CCDC141: variants seen among roughly 807,000 people sequenced by gnomAD.
The protein encoded by CCDC141 is coiled-coil domain containing 141.
In CCDC141, 168 loss-of-function variants were observed where a neutral mutation model predicts 181.0. The observed-to-expected ratio is 0.93, with a 90% CI of 0.82 to 1.05. The LOEUF is 1.05. Among genes scored for constraint, CCDC141 ranks in the 50% least tolerant of loss-of-function variants. CCDC141 has a pLI of 0.00. For synonymous variants in CCDC141, 666 were observed against 642.3 expected (o/e 1.04, Z -0.56); for missense variants, 1,902 against 1,788.5 (o/e 1.06, Z -1.14).
chr2:178,960,390 C>G (rs573831193), intron 5 of CCDC141, among the ~76,000 whole-genome samples: 10 of 152,194 alleles, frequency 6.6e-5, no homozygotes, highest in African/African-American at 2.4e-4. Flanking sequence ...ATATGAATGT[C>G]TCTTCAATTT....
chr2:178,945,853 G>GCACACACACACACACACA (rs10649193), intron 5 of CCDC141, among the ~76,000 whole-genome samples: 25 of 149,566 alleles, frequency 1.7e-4, no homozygotes, highest in East Asian at 1.4e-3. Context: ...ACACATGCGT[G>GCACACACACACACACACA]CACACACACA....
chr2:178,881,890 GTCTC>G lies in CCDC141; in HGVS notation c.1719+3007_1719+3010del, dbSNP rs575583072. Among the ~76,000 whole-genome samples the G allele has an allele frequency of 9.8e-3, 927 of 94,566 alleles. 10 individuals carry two copies. The highest frequency in any genetic ancestry group is 0.017 in the Admixed American group (161 of 9,550). 62.0% of individuals were successfully genotyped at this position (94,566 alleles called of 152,430 possible). ...AGCCTGGGTGACAGAGTGAGACCCT[GTCTC>G]TCTCTCTCTCTCTCTCTCTCTCACA... is the stretch of plus-strand genomic sequence containing the variant. On this transcript the variant is annotated intron_variant, in intron 11 of 23. Transcript: ENST00000443758.
At chr2:179,018,109 T>G (rs1356152713) in intron 2 of CCDC141, among the ~76,000 whole-genome samples, 2 of 152,162 alleles carry the variant, frequency 1.3e-5, no homozygotes, top group African/African-American at 2.4e-5. Context: ...GCACTCTGTC[T>G]TTTTAAGTGT....
chr2:178,916,068 T>C (rs1027449268), intron 7 of CCDC141, among the ~76,000 whole-genome samples: 1 of 152,076 alleles, frequency 6.6e-6, no homozygotes, highest in African/African-American at 2.4e-5. Flanking sequence ...TAAGTTAACA[T>C]GTTAGCTTGA....
chr2:178,991,552 G>A (rs1249425078), intron 2 of CCDC141, among the ~76,000 whole-genome samples: 3 of 152,134 alleles, frequency 2.0e-5, no homozygotes, highest in Non-Finnish European at 4.4e-5. Flanking sequence ...GAAGGAAGAA[G>A]GAGGTAAAGA....
At chr2:178,817,976 T>C in the CCDC141 span, among the ~76,000 whole-genome samples, 1 of 152,132 alleles carries the variant, frequency 6.6e-6, no homozygotes, top group African/African-American at 2.4e-5. Context: ...CTAATTTTTG[T>C]ATTTTTAGTA....
At chr2:178,820,314 T>A in the CCDC141 span, among the ~76,000 whole-genome samples, 1 of 152,132 alleles carries the variant, frequency 6.6e-6, no homozygotes, top group African/African-American at 2.4e-5. Flanking sequence ...GGCTGTGGTG[T>A]GTTTTTTTAA....
chr2:178,986,614 C>T (rs1480489927), intron 2 of CCDC141, among the ~76,000 whole-genome samples: 1 of 151,394 alleles, frequency 6.6e-6, no homozygotes, highest in Non-Finnish European at 1.5e-5. Context: ...GCAACTTCAG[C>T]AAAGTCTCAG....
chr2:178,905,640 G>A, intron 7 of CCDC141, 139 bp from the exon 8 acceptor site: 4 of 853,402 alleles, frequency 4.7e-6, no homozygotes, highest in Non-Finnish European at 6.9e-6. Context: ...TCTTAATCTT[G>A]GAAGATTGTT....
intron 2 of CCDC141, among the ~76,000 whole-genome samples, chr2:178,979,746 G>C (rs113496986): frequency 0.015 from 2,318 of 152,196 alleles, 58 homozygotes; most frequent in African/African-American, 0.053. Context: ...GATAAATAGT[G>C]CAATCCACAG....
intron 7 of CCDC141, among the ~76,000 whole-genome samples, chr2:178,909,217 G>C (rs1162335818): frequency 1.3e-5 from 2 of 151,062 alleles, no homozygotes; most frequent in Non-Finnish European, 3.0e-5. Context: ...TTCACTAGAA[G>C]GAGGGAATGA....
At chr2:178,977,785 A>C (rs1451368199) in intron 3 of CCDC141, among the ~76,000 whole-genome samples, 1 of 152,196 alleles carries the variant, frequency 6.6e-6, no homozygotes, top group East Asian at 1.9e-4. Flanking sequence ...CAGAAGTTAA[A>C]AGTGAAATTT....
intron 14 of CCDC141, 25 bp from the exon 15 acceptor site, chr2:178,869,330 A>G: frequency 1.3e-6 from 2 of 1,552,452 alleles, no homozygotes; most frequent in Non-Finnish European, 1.7e-6. Context: ...GCAATAAAAA[A>G]ATCTTGCTAT....
downstream of CCDC141, among the ~76,000 whole-genome samples, chr2:178,827,669 C>T (rs1297749656): frequency 1.3e-5 from 2 of 152,090 alleles, no homozygotes; most frequent in African/African-American, 2.4e-5. Context: ...TATTCTAGCA[C>T]ACCCCAGGAG....
chr2:178,865,754 C>T lies in CCDC141; in HGVS notation c.2724+13G>A. Reference sequence around the variant, plus strand: ...TTTGGCAATGTGCCAGTTCTCACCCCTCCCACACCCACCTCATTTATCTCG... The same window carrying T: ...TTTGGCAATGTGCCAGTTCTCACCCTTCCCACACCCACCTCATTTATCTCG... On this transcript the variant is annotated intron_variant, in intron 17 of 23. Coordinates refer to ENST00000443758, the MANE Select transcript of CCDC141 (RefSeq NM_173648.4). 6.8e-7 allele frequency: 1 copy of T among 1,478,850 alleles called. No individual in the cohort carries two copies. The highest frequency in any genetic ancestry group is 9.0e-7 in the Non-Finnish European group (1 of 1,109,560). The allele number at this position is 1,478,850 out of a possible 1,614,324, so 91.6% of individuals were successfully genotyped here. A position where few individuals can be genotyped will look rare whatever the true frequency, so the allele number is the denominator to read the frequency against.
chr2:178,869,741 T>C (rs1418973764), intron 14 of CCDC141, among the ~76,000 whole-genome samples: 2 of 152,152 alleles, frequency 1.3e-5, no homozygotes, highest in Non-Finnish European at 2.9e-5. Context: ...TAACTTGTGC[T>C]CTGTGATAAA....
rs1249446188 is a variant in CCDC141 at position 178,978,084 on chromosome 2, G to C, written c.417+400C>G. On this transcript the variant is annotated intron_variant, in intron 3 of 23. Transcript: ENST00000443758. ...CCTTTTTAAAACATAGGCAGCAAAA[G>C]GAAATTTTATTCTCCAACTTTTAGC... Among the ~76,000 whole-genome samples, 3 of 152,236 alleles carry C rather than the reference G, an allele frequency of 2.0e-5. No individual in the cohort carries two copies. In the East Asian group the frequency reaches 5.8e-4, roughly 29 times the overall value.
intron 2 of CCDC141, among the ~76,000 whole-genome samples, chr2:179,021,956 C>T (rs1195825100): frequency 1.3e-5 from 2 of 152,098 alleles, no homozygotes; most frequent in African/African-American, 4.8e-5. Flanking sequence ...TATTTTAAAA[C>T]ATTTCAATGC....
In CCDC141 at chr2:179,043,837, A is replaced by G. The variant is rs1415437019; in HGVS notation, c.225+3447T>C. On this transcript the variant is annotated intron_variant, in intron 2 of 23. Transcript: ENST00000443758. The stretch of plus-strand genomic sequence containing the variant: ...GCAATCAGGCAAGAGAAACAAATGA[A>G]TAGGAAGAGAGGAAGTAAAACTATC... Among the ~76,000 whole-genome samples the G allele has an allele frequency of 5.3e-5, 8 of 152,344 alleles. No individual in the cohort carries two copies. In the South Asian group the frequency reaches 8.3e-4, roughly 16 times the overall value.
Sources: allele counts gnomAD v4.1 joint callset (sites outside exome capture counted in the v4.1 genomes callset), GRCh38; gene constraint gnomAD v4.1.1; transcripts MANE v1.5; gene names NCBI Gene and HGNC (gene_info 2026-07-23, HGNC 2026-07-21).